The following LRRC7 variants were observed in gnomAD, a reference collection of about 807,000 sequenced individuals.
LRRC7 encodes the protein leucine-rich repeat-containing protein 7.
A neutral mutation model predicts 175.7 loss-of-function variants in LRRC7; 23 were observed. That is an observed-to-expected ratio of 0.13 (90% CI 0.09 to 0.19). The LOEUF (loss-of-function observed/expected upper bound fraction) is 0.19, where lower values mean the gene tolerates loss of function less well. LRRC7 is among the 10% of genes least tolerant of loss of function. LRRC7 has a pLI of 1.00. For missense variants in LRRC7, 1,354 were observed against 1,904.7 expected, an observed-to-expected ratio of 0.71 and a Z score of 5.38; for synonymous variants, 685 against 680.9, an observed-to-expected ratio of 1.01 and a Z score of -0.09.
chr1:69,963,631 T>C (rs1160131923), intron 8 of LRRC7, among the ~76,000 whole-genome samples: 1 of 152,212 alleles, frequency 6.6e-6, no homozygotes, highest in Non-Finnish European at 1.5e-5. Context: ...TTTTGTGTTT[T>C]TTTTGGAGAA....
At chr1:69,727,803 A>G (rs945768486) in intron 2 of LRRC7, among the ~76,000 whole-genome samples, 1 of 152,224 alleles carries the variant, frequency 6.6e-6, no homozygotes, top group African/African-American at 2.4e-5. Context: ...ATAGGCTACA[A>G]TTATAACTAC....
rs539500768 is a variant in LRRC7 at position 69,748,233 on chromosome 1, T to C, written c.101-11958T>C. 2.6e-5 allele frequency among the ~76,000 whole-genome samples: 4 copies of C among 152,312 alleles called. No individual in the cohort carries two copies. In the South Asian group the frequency reaches 6.2e-4, roughly 24 times the overall value. On this transcript the variant is annotated intron_variant, in intron 2 of 26. Coordinates refer to ENST00000651989, the MANE Select transcript of LRRC7 (RefSeq NM_001370785.2). ...AACTTAGAAGATATCAGAAGTTATCTATAGTTATGATTGAAGAATGAGTAT... is the reference window on the plus strand; with the variant it reads ...AACTTAGAAGATATCAGAAGTTATCCATAGTTATGATTGAAGAATGAGTAT...
At chr1:69,586,779 T>A (rs1273077355) in intron 1 of LRRC7, among the ~76,000 whole-genome samples, 2 of 152,212 alleles carry the variant, frequency 1.3e-5, no homozygotes, top group African/African-American at 4.8e-5. Flanking sequence ...TATTTAAGGC[T>A]GTAATATTTG....
chr1:69,731,966 A>G (rs1667625654), intron 2 of LRRC7, among the ~76,000 whole-genome samples: 1 of 152,122 alleles, frequency 6.6e-6, no homozygotes, highest in South Asian at 2.1e-4. Flanking sequence ...CAAAAATAAC[A>G]TGTTTATTGC....
chr1:70,004,652 A>G (rs1286932842), intron 11 of LRRC7, among the ~76,000 whole-genome samples: 1 of 152,036 alleles, frequency 6.6e-6, no homozygotes, highest in Non-Finnish European at 1.5e-5. Context: ...ACTTTCGGTT[A>G]TACTGGCATT....
chr1:69,712,016 A>T (rs1380040282), intron 2 of LRRC7, among the ~76,000 whole-genome samples: 1 of 152,170 alleles, frequency 6.6e-6, no homozygotes, highest in African/African-American at 2.4e-5. Flanking sequence ...GCATGAGGAG[A>T]TTGTATTTCA....
At position 70,136,331 on chromosome 1, in the gene LRRC7, C is replaced by T. The variant is rs943653589; in HGVS notation, c.*14444C>T. ...TTCATCCAGACCTGTAGGTTTGAAT[C>T]GAGAGATGTTTAAGTAATTCTCTTG... On this transcript the variant is annotated 3_prime_UTR_variant, in exon 27 of 27. Coordinates refer to ENST00000651989, the MANE Select transcript of LRRC7 (RefSeq NM_001370785.2). Among the ~76,000 whole-genome samples, 1 of 151,942 alleles carries T rather than the reference C, an allele frequency of 6.6e-6. No homozygotes were observed. The highest frequency in any genetic ancestry group is 1.9e-4 in the East Asian group (1 of 5,192).
intron 8 of LRRC7, among the ~76,000 whole-genome samples, chr1:69,951,467 T>C (rs1428212500): frequency 2.0e-5 from 3 of 152,048 alleles, no homozygotes; most frequent in African/African-American, 7.2e-5. Context: ...TAAATCATTC[T>C]GCCATGAAGC....
intron 7 of LRRC7, among the ~76,000 whole-genome samples, chr1:69,866,030 T>G (rs900855269): frequency 2.6e-5 from 4 of 152,152 alleles, no homozygotes; most frequent in Non-Finnish European, 4.4e-5. Context: ...TTGGGCAAGA[T>G]GAAACATTCT....
At chr1:69,739,294 G>A (rs1668454925) in intron 2 of LRRC7, among the ~76,000 whole-genome samples, 1 of 152,070 alleles carries the variant, frequency 6.6e-6, no homozygotes, top group Admixed American at 6.6e-5. Context: ...CTTGCTGGGG[G>A]CTCGCAGAAG....
At chr1:70,034,489 T>G (rs1182014867) in intron 18 of LRRC7, among the ~76,000 whole-genome samples, 1 of 152,224 alleles carries the variant, frequency 6.6e-6, no homozygotes, top group Non-Finnish European at 1.5e-5. Context: ...CAGTATCACA[T>G]AGAACACCTT....
intron 26 of LRRC7, among the ~76,000 whole-genome samples, chr1:70,110,995 G>T (rs1665490202): frequency 6.6e-6 from 1 of 152,102 alleles, no homozygotes; most frequent in South Asian, 2.1e-4. Flanking sequence ...TGTTTTCAAT[G>T]GAGCGAATTT....
rs1388011161 is a variant in LRRC7, at chr1:70,038,247, A to G, written c.2423A>G (p.Asp808Gly). Residue 808 changes from aspartate to glycine, a missense_variant, in exon 21 of 27, where the codon GAT becomes GGT. By Grantham distance (94) the Asp-to-Gly change is moderately conservative (BLOSUM62 -1). Around this residue, in one of 4 missense-constraint regions of LRRC7, gnomAD observed 1,032 missense variants for 1,227.2 expected, o/e 0.84. Coordinates refer to ENST00000651989, the MANE Select transcript of LRRC7 (RefSeq NM_001370785.2). ...GATACTTTCACTGACAACTGGACTG[A>G]TGGCTCGCATTATGACAACACAGGG... ...MSDTFTDNWT[D>G]GSHYDNTGFV... 2.5e-6 allele frequency: 4 copies of G among 1,614,162 alleles called. No homozygotes were observed. Among genetic ancestry groups the G allele is most frequent in the Non-Finnish European group, 3.4e-6 (4 of 1,180,016 alleles).
At chr1:69,740,016 A>T (rs1227823654) in intron 2 of LRRC7, among the ~76,000 whole-genome samples, 1 of 152,102 alleles carries the variant, frequency 6.6e-6, no homozygotes, top group Non-Finnish European at 1.5e-5. Flanking sequence ...AAAGGAAGAA[A>T]GCAACCAAAG....
chr1:69,719,386 T>G (rs1040752489), intron 2 of LRRC7, among the ~76,000 whole-genome samples: 1 of 151,686 alleles, frequency 6.6e-6, no homozygotes, highest in Non-Finnish European at 1.5e-5. Flanking sequence ...CTTTTTGTTT[T>G]TAAGTACTCC....
intron 7 of LRRC7, among the ~76,000 whole-genome samples, chr1:69,926,706 C>T (rs12030907): frequency 0.043 from 6,523 of 152,140 alleles, 205 homozygotes; most frequent in East Asian, 0.15. Flanking sequence ...TATTTCTCTG[C>T]ACGTGAGATG....
intron 7 of LRRC7, among the ~76,000 whole-genome samples, chr1:69,927,655 C>T (rs4478773): frequency 0.012 from 1,882 of 152,284 alleles, 34 homozygotes; most frequent in African/African-American, 0.042. Context: ...GCTTTCAGCT[C>T]CATCAGCTCC....
intron 7 of LRRC7, chr1:69,839,083 A>AT: frequency 3.4e-6 from 1 of 292,030 alleles, no homozygotes; most frequent in Non-Finnish European, 6.9e-6. Context: ...ACAGTGAATA[A>AT]TTTTTTAAAC....
intron 24 of LRRC7, among the ~76,000 whole-genome samples, chr1:70,086,379 T>C (rs1663610910): frequency 6.6e-6 from 1 of 152,180 alleles, no homozygotes; most frequent in South Asian, 2.1e-4. Context: ...GACCAGAAGT[T>C]ATCAAGTAAA....
Sources: allele counts gnomAD v4.1 joint callset (sites outside exome capture counted in the v4.1 genomes callset), GRCh38; gene constraint gnomAD v4.1.1; regional missense constraint gnomAD v4.1.1; transcripts MANE v1.5; gene names NCBI Gene and HGNC (gene_info 2026-07-23, HGNC 2026-07-21).